TENM2: variants seen among roughly 807,000 people sequenced by gnomAD.
TENM2 encodes teneurin transmembrane protein 2.
In TENM2, 52 loss-of-function variants were observed where a neutral mutation model predicts 245.2. The observed-to-expected ratio is 0.21, with a 90% CI of 0.17 to 0.27. The LOEUF (loss-of-function observed/expected upper bound fraction) is 0.27, where lower values mean the gene tolerates loss of function less well. Among genes scored for constraint, TENM2 ranks in the 10% least tolerant of loss-of-function variants. The pLI is 1.00. For missense variants in TENM2, 3,046 were observed against 3,666.8 expected (o/e 0.83, Z 4.37); for synonymous variants, 1,363 against 1,438.9 (o/e 0.95, Z 1.19).
intron 4 of TENM2, among the ~76,000 whole-genome samples, chr5:167,974,667 G>GTAA (rs1782299122): frequency 2.0e-5 from 3 of 152,188 alleles, no homozygotes; most frequent in Admixed American, 2.0e-4. Flanking sequence ...AAACGAAGAT[G>GTAA]TAATAATAAC....
intron 1 of TENM2, among the ~76,000 whole-genome samples, chr5:167,312,919 T>A (rs1756126748): frequency 8.2e-6 from 1 of 121,966 alleles, no homozygotes; most frequent in African/African-American, 2.7e-5. Flanking sequence ...TTTTTTTTTT[T>A]TTAAATGGAG....
the TENM2 span, among the ~76,000 whole-genome samples, chr5:167,115,745 TG>T: frequency 6.6e-6 from 1 of 152,116 alleles, no homozygotes; most frequent in East Asian, 1.9e-4. Flanking sequence ...TAAGAAATGT[TG>T]GGAAAAAAAG....
At chr5:167,808,199 G>T (rs532434219) in intron 2 of TENM2, among the ~76,000 whole-genome samples, 1 of 152,108 alleles carries the variant, frequency 6.6e-6, no homozygotes, top group Non-Finnish European at 1.5e-5. Flanking sequence ...TCACTTTAAG[G>T]TTCAGTTTCC....
chr5:167,516,958 T>C (rs1770423481), intron 2 of TENM2, among the ~76,000 whole-genome samples: 1 of 152,212 alleles, frequency 6.6e-6, no homozygotes, highest in African/African-American at 2.4e-5. Context: ...GAAAAGTGCA[T>C]GGAAAAGAGC....
At chr5:167,727,439 C>T (rs367587580) in intron 2 of TENM2, among the ~76,000 whole-genome samples, 2 of 152,172 alleles carry the variant, frequency 1.3e-5, no homozygotes, top group Admixed American at 6.5e-5. Context: ...CATTGTTTTT[C>T]ACATGCCTTG....
chr5:167,532,645 A>G (rs1771584321), intron 2 of TENM2, among the ~76,000 whole-genome samples: 1 of 151,894 alleles, frequency 6.6e-6, no homozygotes, highest in South Asian at 2.1e-4. Context: ...TGGGAATTCA[A>G]GATGAGATTT....
chr5:167,947,973 C>G (rs1414675289), intron 3 of TENM2, among the ~76,000 whole-genome samples: 1 of 152,170 alleles, frequency 6.6e-6, no homozygotes, highest in Non-Finnish European at 1.5e-5. Context: ...CTTTCCCACC[C>G]CATCTATTTG....
chr5:168,112,606 C>CGGGGGGG (rs11446185), intron 9 of TENM2, among the ~76,000 whole-genome samples: 4 of 64,106 alleles, frequency 6.2e-5, no homozygotes, highest in Non-Finnish European at 1.3e-4. Context: ...GTGCAGTGGG[C>CGGGGGGG]GGGGGGGGGG....
intron 2 of TENM2, among the ~76,000 whole-genome samples, chr5:167,693,647 A>AC (rs1458803803): frequency 6.6e-6 from 1 of 151,998 alleles, no homozygotes; most frequent in African/African-American, 2.4e-5. Context: ...AAAAAAAAAA[A>AC]AAACCACTTG....
chr5:168,087,126 G>A lies in TENM2; in HGVS notation c.1516-3448G>A, dbSNP rs558344473. ...TGCTGTGTGATGCTGCTTGACACGT[G>A]TTAATCTATGCATAGTGACCCTATG... On this transcript the variant is annotated intron_variant, in intron 7 of 28. Transcript: ENST00000518659. 3.9e-5 allele frequency among the ~76,000 whole-genome samples: 6 copies of A among 152,306 alleles called. No homozygotes were observed. The East Asian group carries it at 9.6e-4, about 24-fold the overall frequency.
intron 3 of TENM2, among the ~76,000 whole-genome samples, chr5:167,899,822 C>T (rs1314901974): frequency 4.6e-5 from 7 of 152,120 alleles, no homozygotes; most frequent in African/African-American, 1.2e-4. Context: ...TGACCAAGTG[C>T]CCATTAGGAT....
the TENM2 span, among the ~76,000 whole-genome samples, chr5:167,257,174 T>G: frequency 6.6e-6 from 1 of 152,048 alleles, no homozygotes; most frequent in Non-Finnish European, 1.5e-5. Flanking sequence ...GTTATACAGA[T>G]AAAATAGAAT....
chr5:167,220,051 C>T, the TENM2 span, among the ~76,000 whole-genome samples: 22 of 152,204 alleles, frequency 1.4e-4, no homozygotes, highest in South Asian at 4.4e-3. Context: ...AGAAGAGAAC[C>T]ACACCTCTAA....
intron 4 of TENM2, among the ~76,000 whole-genome samples, chr5:167,984,147 G>C (rs1010588502): frequency 7.2e-5 from 11 of 152,166 alleles, no homozygotes; most frequent in African/African-American, 2.4e-4. Flanking sequence ...ATAGAAGCCA[G>C]GATGCAAACC....
the TENM2 span, among the ~76,000 whole-genome samples, chr5:167,047,017 C>T: frequency 1.3e-5 from 2 of 152,160 alleles, no homozygotes; most frequent in African/African-American, 4.8e-5. Flanking sequence ...ATCCATGTCC[C>T]TGCAAATGTC....
At position 168,087,124 on chromosome 5, in the gene TENM2, G is replaced by A. The variant is rs144273735; in HGVS notation, c.1516-3450G>A. On this transcript the variant is annotated intron_variant, in intron 7 of 28. Transcript: ENST00000518659. Reference sequence around the variant, plus strand: ...GATGCTGTGTGATGCTGCTTGACACGTGTTAATCTATGCATAGTGACCCTA... The same window carrying A: ...GATGCTGTGTGATGCTGCTTGACACATGTTAATCTATGCATAGTGACCCTA... Among the ~76,000 whole-genome samples the A allele has an allele frequency of 1.1e-3, 175 of 152,260 alleles. 1 individual carries two copies. The highest frequency in any genetic ancestry group is 3.9e-3 in the African/African-American group (162 of 41,534).
chr5:167,571,210 A>G (rs1236971620), intron 2 of TENM2, among the ~76,000 whole-genome samples: 2 of 152,170 alleles, frequency 1.3e-5, no homozygotes, highest in Non-Finnish European at 2.9e-5. Context: ...CGGCACAGAC[A>G]TTGTTTATTC....
chr5:168,208,424 A>G (rs1762536635), intron 19 of TENM2, among the ~76,000 whole-genome samples: 1 of 152,232 alleles, frequency 6.6e-6, no homozygotes, highest in African/African-American at 2.4e-5. Flanking sequence ...GAGAAGGGAC[A>G]TGTCCAACCC....
At chr5:167,129,901 A>G in the TENM2 span, among the ~76,000 whole-genome samples, 1 of 152,180 alleles carries the variant, frequency 6.6e-6, no homozygotes, top group African/African-American at 2.4e-5. Context: ...AATCCTGTGC[A>G]TGTTTTAATG....
Sources: allele counts gnomAD v4.1 joint callset (sites outside exome capture counted in the v4.1 genomes callset), GRCh38; gene constraint gnomAD v4.1.1; transcripts MANE v1.5; gene names NCBI Gene and HGNC (gene_info 2026-07-23, HGNC 2026-07-21).